TTC27: variants seen among roughly 807,000 people sequenced by gnomAD.
TTC27 encodes the protein tetratricopeptide repeat protein 27.
A neutral mutation model predicts 115.9 loss-of-function variants in TTC27; 79 were observed. The observed-to-expected ratio is 0.68, with a 90% CI of 0.57 to 0.82. The LOEUF is 0.82. TTC27 is among the 40% of genes least tolerant of loss of function. The probability of loss-of-function intolerance (pLI) is 0.00; values close to 1 mark genes in which losing one functional copy is unlikely to be tolerated. For missense variants in TTC27, 1,054 were observed against 993.1 expected, an observed-to-expected ratio of 1.06 and a Z score of -0.82; for synonymous variants, 401 against 356.0, an observed-to-expected ratio of 1.13 and a Z score of -1.42.
At chr2:32,714,285 A>C (rs1375022389) in intron 10 of TTC27, among the ~76,000 whole-genome samples, 2 of 151,008 alleles carry the variant, frequency 1.3e-5, no homozygotes, top group Non-Finnish European at 2.9e-5. Flanking sequence ...CAGTCTCCCG[A>C]GTATCTGGCA....
intron 5 of TTC27, among the ~76,000 whole-genome samples, chr2:32,654,672 A>T (rs1572480769): frequency 6.7e-6 from 1 of 150,078 alleles, no homozygotes; most frequent in African/African-American, 2.4e-5. Context: ...GTGGGAGTAT[A>T]GGCGCTTGCC....
At chr2:32,681,644 T>G (rs895325607) in intron 9 of TTC27, among the ~76,000 whole-genome samples, 9 of 127,478 alleles carry the variant, frequency 7.1e-5, no homozygotes, top group African/African-American at 2.3e-4. Flanking sequence ...ATATGAGATA[T>G]TCAGCTTTTT....
chr2:32,817,445 C>T lies in TTC27; in HGVS notation c.2309-12C>T, dbSNP rs1302607147. 3 of 1,607,156 alleles carry T rather than the reference C, an allele frequency of 1.9e-6. No homozygotes were observed. Among genetic ancestry groups the T allele is most frequent in the Non-Finnish European group, 8.5e-7 (1 of 1,173,882 alleles). On this transcript the variant is annotated splice_polypyrimidine_tract_variant and intron_variant, in intron 18 of 19. Transcript: ENST00000317907. ...TTTTTAATGGATGTTTCTCTCCATACTTATCTTCCAGTGGCCATAAAATGC... is the reference window on the plus strand; with the variant it reads ...TTTTTAATGGATGTTTCTCTCCATATTTATCTTCCAGTGGCCATAAAATGC...
chr2:32,664,493 T>G (rs1294679544), intron 6 of TTC27, 26 bp downstream of exon 6: 2 of 1,580,224 alleles, frequency 1.3e-6, no homozygotes, highest in East Asian at 4.5e-5. Context: ...TGTGGATAAT[T>G]GATTTTATTT....
intron 9 of TTC27, among the ~76,000 whole-genome samples, chr2:32,686,716 G>C (rs1009337462): frequency 7.2e-5 from 11 of 152,254 alleles, no homozygotes; most frequent in Middle Eastern, 3.4e-3. Flanking sequence ...ATTATCAACT[G>C]TGGGCAAGGT....
In TTC27 at chr2:32,706,075, CTCTT is replaced by C. The variant is rs1447143322; in HGVS notation, c.1233+3157_1233+3160del. On this transcript the variant is annotated intron_variant, in intron 10 of 19. Coordinates refer to ENST00000317907, the MANE Select transcript of TTC27 (RefSeq NM_017735.5). The stretch of plus-strand genomic sequence containing the variant: ...ACATTATCATTCCTTATTTACCTTA[CTCTT>C]TTTTTTTTTTTTTTTTTTTTTTTGA... 1.5e-3 allele frequency among the ~76,000 whole-genome samples: 123 copies of C among 83,038 alleles called. 1 individual carries two copies. The highest frequency in any genetic ancestry group is 2.6e-3 in the Non-Finnish European group (112 of 42,328). 54.5% of individuals were successfully genotyped at this position (83,038 alleles called of 152,430 possible).
intron 10 of TTC27, among the ~76,000 whole-genome samples, chr2:32,725,720 C>T (rs1413599247): frequency 1.3e-5 from 2 of 152,238 alleles, no homozygotes; most frequent in African/African-American, 4.8e-5. Flanking sequence ...CACAGCTCCA[C>T]TAGGCAGTGC....
At chr2:32,802,993 G>A (rs1671004859) in intron 16 of TTC27, among the ~76,000 whole-genome samples, 2 of 152,148 alleles carry the variant, frequency 1.3e-5, no homozygotes, top group Non-Finnish European at 2.9e-5. Context: ...GTATTTCCCT[G>A]GGGTATTGTC....
intron 19 of TTC27, among the ~76,000 whole-genome samples, chr2:32,818,312 T>A (rs1469996584): frequency 6.6e-6 from 1 of 152,240 alleles, no homozygotes; most frequent in Admixed American, 6.5e-5. Flanking sequence ...ATGTAATGTT[T>A]CCTTTTAGAA....
At chr2:32,785,860 C>A (rs1286470329) in intron 15 of TTC27, among the ~76,000 whole-genome samples, 1 of 152,166 alleles carries the variant, frequency 6.6e-6, no homozygotes, top group Non-Finnish European at 1.5e-5. Context: ...TCCCAAAGTG[C>A]TGGGATTAGA....
intron 13 of TTC27, among the ~76,000 whole-genome samples, chr2:32,762,378 A>T (rs1160479760): frequency 6.6e-6 from 1 of 150,858 alleles, no homozygotes; most frequent in Non-Finnish European, 1.5e-5. Flanking sequence ...GGTAGAAGGA[A>T]GTAGGGCAGT....
At chr2:32,761,138 C>G (rs550522065) in intron 13 of TTC27, among the ~76,000 whole-genome samples, 156 of 152,260 alleles carry the variant, frequency 1.0e-3, no homozygotes, top group African/African-American at 3.6e-3. Flanking sequence ...AGTGTTCTCC[C>G]CATCCCTAAT....
chr2:32,763,779 TC>T (rs1005731062), intron 13 of TTC27, among the ~76,000 whole-genome samples: 1 of 152,220 alleles, frequency 6.6e-6, no homozygotes, highest in African/African-American at 2.4e-5. Flanking sequence ...TAGCTATTGT[TC>T]ACTTATACCC....
chr2:32,726,732 A>G (rs1668120224), intron 10 of TTC27, among the ~76,000 whole-genome samples: 1 of 152,070 alleles, frequency 6.6e-6, no homozygotes, highest in Non-Finnish European at 1.5e-5. Flanking sequence ...AACCTACTCT[A>G]CTGGTACCAA....
chr2:32,716,902 C>G (rs1204449218), intron 10 of TTC27, among the ~76,000 whole-genome samples: 1 of 151,932 alleles, frequency 6.6e-6, no homozygotes, highest in African/African-American at 2.4e-5. Flanking sequence ...CCATGTTGCC[C>G]AAGCTGGCCT....
intron 5 of TTC27, among the ~76,000 whole-genome samples, chr2:32,661,655 A>T (rs191134005): frequency 2.1e-4 from 32 of 152,352 alleles, no homozygotes; most frequent in Non-Finnish European, 4.4e-4. Flanking sequence ...TATCAGCTTA[A>T]GGAGATTTTG....
intron 12 of TTC27, among the ~76,000 whole-genome samples, chr2:32,745,680 T>A (rs1003292608): frequency 9.9e-5 from 15 of 150,812 alleles, no homozygotes; most frequent in East Asian, 3.9e-4. Context: ...GAAAAAAAAA[T>A]AATAATAAAT....
chr2:32,767,798 A>T (rs2148004084), intron 13 of TTC27, among the ~76,000 whole-genome samples: 1 of 152,322 alleles, frequency 6.6e-6, no homozygotes, highest in African/African-American at 2.4e-5. Flanking sequence ...AGAATTAAAA[A>T]TATGTTCTAT....
intron 15 of TTC27, 136 bp from the exon 16 acceptor site, chr2:32,786,847 TG>T: frequency 1.3e-6 from 1 of 753,166 alleles, no homozygotes; most frequent in Non-Finnish European, 2.0e-6. Context: ...TTGTGTTGTC[TG>T]GGTCTCTAAT....
Sources: gnomAD v4.1 joint callset for allele counts (sites outside exome capture counted in the v4.1 genomes callset) on GRCh38, gnomAD v4.1.1 for gene constraint, MANE v1.5 for transcripts, NCBI Gene and HGNC (gene_info 2026-07-23, HGNC 2026-07-21) for gene names.